ANO4: variants seen among roughly 807,000 people sequenced by gnomAD.
ANO4 encodes anoctamin 4, also known as anoctamin-4.
In ANO4, 69 loss-of-function variants were observed where a neutral mutation model predicts 141.9. The ratio of observed to expected loss-of-function variants is 0.49; its 90% CI spans 0.40 to 0.59. The LOEUF (loss-of-function observed/expected upper bound fraction) is 0.59. Among genes scored for constraint, ANO4 ranks in the 20% least tolerant of loss-of-function variants. The pLI, the probability that ANO4 is intolerant of heterozygous loss-of-function variation, is 0.00. For synonymous variants in ANO4, 350 were observed against 394.3 expected (o/e 0.89, Z 1.33); for missense variants, 894 against 1,162.2 (o/e 0.77, Z 3.36).
rs551062716 is a variant in ANO4 at position 100,922,366 on chromosome 12, G to C, written c.160+36G>C. 287 of 1,444,268 alleles carry C rather than the reference G, an allele frequency of 2.0e-4. 2 individuals are homozygous for C. In the African/African-American group the frequency reaches 3.6e-3, roughly 18 times the overall value. The allele number at this position is 1,444,268 out of a possible 1,614,324, so 89.5% of individuals were successfully genotyped here. Reference sequence around the variant, plus strand: ...CTCAAATTTTAAATTCGCCGTGAGAGAAGAAGCTATTATAATACTTGGGAG... The same window carrying C: ...CTCAAATTTTAAATTCGCCGTGAGACAAGAAGCTATTATAATACTTGGGAG... On this transcript the variant is annotated intron_variant, in intron 3 of 27. Coordinates refer to ENST00000392977, the MANE Select transcript of ANO4 (RefSeq NM_001286615.2).
intron 1 of ANO4, among the ~76,000 whole-genome samples, chr12:100,822,601 A>G (rs550478898): frequency 8.8e-4 from 134 of 152,120 alleles, no homozygotes; most frequent in African/African-American, 3.0e-3. Context: ...ATCCAAAACA[A>G]TAGGTAAAGA....
At chr12:101,032,051 T>C (rs540041680) in intron 9 of ANO4, among the ~76,000 whole-genome samples, 36 of 152,206 alleles carry the variant, frequency 2.4e-4, no homozygotes, top group Non-Finnish European at 4.7e-4. Context: ...CAAACTACCA[T>C]TGACATTCTT....
At chr12:100,890,733 T>G (rs1280930887) in intron 1 of ANO4, among the ~76,000 whole-genome samples, 1 of 152,194 alleles carries the variant, frequency 6.6e-6, no homozygotes, top group Non-Finnish European at 1.5e-5. Flanking sequence ...CCTCCTCTAT[T>G]ATGACCTTCC....
chr12:100,948,883 A>G (rs2042855679), intron 5 of ANO4, among the ~76,000 whole-genome samples: 1 of 152,204 alleles, frequency 6.6e-6, no homozygotes, highest in African/African-American at 2.4e-5. Context: ...CACTCCTGTG[A>G]TTATCTTATA....
intron 1 of ANO4, among the ~76,000 whole-genome samples, chr12:100,828,106 T>A (rs1161306123): frequency 6.6e-6 from 1 of 152,072 alleles, no homozygotes; most frequent in African/African-American, 2.4e-5. Context: ...GACACTCATA[T>A]TCAGAGTAGG....
intron 2 of ANO4, among the ~76,000 whole-genome samples, chr12:100,919,666 G>C (rs114729495): frequency 2.2e-5 from 3 of 138,822 alleles, no homozygotes; most frequent in African/African-American, 8.2e-5. Flanking sequence ...CTTGGGACAT[G>C]TCTCTGTGTG....
At chr12:101,071,472 C>A (rs1361619475) in intron 14 of ANO4, among the ~76,000 whole-genome samples, 2 of 151,242 alleles carry the variant, frequency 1.3e-5, no homozygotes, top group East Asian at 3.9e-4. Flanking sequence ...TTTGTGAGAT[C>A]CAAAAGTGAA....
intron 1 of ANO4, among the ~76,000 whole-genome samples, chr12:100,872,141 A>ATTCC (rs1276661835): frequency 6.6e-6 from 1 of 152,210 alleles, no homozygotes; most frequent in African/African-American, 2.4e-5. Context: ...TCATTCATTC[A>ATTCC]TTCATTCAAC....
chr12:100,847,475 A>ATTTTT (rs59985012), intron 1 of ANO4, among the ~76,000 whole-genome samples: 67,208 of 136,670 alleles, frequency 0.49, 17,547 homozygotes, highest in African/African-American at 0.6. Context: ...GGCCAAGATA[A>ATTTTT]TTTTTTTTTT....
chr12:100,867,510 A>G (rs1418799460), intron 1 of ANO4, among the ~76,000 whole-genome samples: 2 of 152,106 alleles, frequency 1.3e-5, no homozygotes, highest in Non-Finnish European at 2.9e-5. Context: ...TCAGTGTTTC[A>G]GTGGGTTAAA....
chr12:100,848,094 T>A (rs566427163), intron 1 of ANO4, among the ~76,000 whole-genome samples: 1 of 152,170 alleles, frequency 6.6e-6, no homozygotes, highest in Non-Finnish European at 1.5e-5. Flanking sequence ...AAGAAGAAAT[T>A]TTTGTACCTA....
intron 5 of ANO4, among the ~76,000 whole-genome samples, chr12:100,957,905 G>A (rs1388041507): frequency 1.3e-5 from 2 of 152,078 alleles, no homozygotes; most frequent in Non-Finnish European, 1.5e-5. Context: ...ATGGGGTTTC[G>A]CCATGTTGGC....
intron 1 of ANO4, among the ~76,000 whole-genome samples, chr12:100,884,740 G>A (rs1485025210): frequency 6.6e-6 from 1 of 152,146 alleles, no homozygotes; most frequent in Non-Finnish European, 1.5e-5. Flanking sequence ...TATCACCCAG[G>A]CTGGAGTGCA....
intron 3 of ANO4, among the ~76,000 whole-genome samples, chr12:100,765,447 G>A (rs2373379): frequency 0.25 from 36,023 of 146,028 alleles, 5,493 homozygotes; most frequent in African/African-American, 0.43. Context: ...GGCATGATCA[G>A]TAGCTCATGC....
intron 26 of ANO4, among the ~76,000 whole-genome samples, chr12:101,126,178 G>A (rs905781937): frequency 9.9e-5 from 15 of 152,076 alleles, no homozygotes; most frequent in Admixed American, 7.9e-4. Flanking sequence ...TAAATAAAAC[G>A]AAGAATACTT....
At chr12:100,717,819 T>G (rs2030676899) in intron 1 of ANO4, among the ~76,000 whole-genome samples, 1 of 152,182 alleles carries the variant, frequency 6.6e-6, no homozygotes, top group Non-Finnish European at 1.5e-5. Context: ...TCCCCTCGCT[T>G]CCGACCACTC....
intron 13 of ANO4, among the ~76,000 whole-genome samples, chr12:101,044,556 A>T (rs1023670954): frequency 6.6e-6 from 1 of 152,186 alleles, no homozygotes; most frequent in African/African-American, 2.4e-5. Flanking sequence ...GGCAGATTTT[A>T]TCCAGCTTTT....
upstream of ANO4, chr12:100,717,449 G>A (rs910444126): frequency 5.1e-6 from 2 of 395,654 alleles, no homozygotes; most frequent in African/African-American, 2.1e-5. Flanking sequence ...TCGCCGGGCC[G>A]GGCCGTCCAG....
intron 8 of ANO4, among the ~76,000 whole-genome samples, chr12:101,003,605 C>T (rs1167251148): frequency 6.6e-6 from 1 of 152,158 alleles, no homozygotes; most frequent in Non-Finnish European, 1.5e-5. Context: ...ATTCGCATGG[C>T]ACATCAGTCT....
Sources: gnomAD v4.1 joint callset for allele counts (sites outside exome capture counted in the v4.1 genomes callset) on GRCh38, gnomAD v4.1.1 for gene constraint, MANE v1.5 for transcripts, NCBI Gene and HGNC (gene_info 2026-07-23, HGNC 2026-07-21) for gene names.